The following SAMMSON variants were observed in gnomAD, a reference collection of about 807,000 sequenced individuals.
The protein encoded by SAMMSON is long intergenic non-protein coding RNA 1212.
At chr3:70,234,149 C>T (rs554123866) in intron 4 of SAMMSON, among the ~76,000 whole-genome samples, 1 of 152,242 alleles carries the variant, frequency 6.6e-6, no homozygotes, top group African/African-American at 2.4e-5. Flanking sequence ...GGGATGTGGA[C>T]AACTACTTAC....
intron 7 of SAMMSON, among the ~76,000 whole-genome samples, chr3:70,309,420 T>C (rs1702435962): frequency 2.6e-5 from 4 of 152,162 alleles, no homozygotes; most frequent in African/African-American, 9.7e-5. Flanking sequence ...TGTATTATTC[T>C]GAGTAATGCT....
intron 3 of SAMMSON, chr3:70,069,798 A>G (rs1231148471): frequency 6.6e-6 from 1 of 152,134 alleles, no homozygotes; most frequent in East Asian, 1.9e-4. Context: ...ATGTCAGAGC[A>G]GCAATTTGAA....
At chr3:70,030,385 C>G (rs955321019) in intron 3 of SAMMSON, 2 of 152,194 alleles carry the variant, frequency 1.3e-5, no homozygotes, top group Non-Finnish European at 2.9e-5. Flanking sequence ...GCAACCAGTT[C>G]TGATGGGTGA....
At chr3:70,419,840 G>A (rs111230940) in intron 2 of SAMMSON, among the ~76,000 whole-genome samples, 23,866 of 152,038 alleles carry the variant, frequency 0.16, 2,348 homozygotes, top group East Asian at 0.31. Flanking sequence ...GGGTTTCACC[G>A]TGTTAGCCAG....
At chr3:70,365,310 T>G (rs894106552) in intron 9 of SAMMSON, among the ~76,000 whole-genome samples, 8 of 151,438 alleles carry the variant, frequency 5.3e-5, no homozygotes, top group Middle Eastern at 3.2e-3. Flanking sequence ...GGAGTGTGTA[T>G]ATACACACAC....
At chr3:70,093,968 A>G (rs970472682) in intron 4 of SAMMSON, among the ~76,000 whole-genome samples, 2 of 152,102 alleles carry the variant, frequency 1.3e-5, no homozygotes, top group African/African-American at 2.4e-5. Context: ...TAAATTTTCA[A>G]TGTTTTATTT....
At chr3:70,235,456 C>T (rs1338037659) in intron 4 of SAMMSON, among the ~76,000 whole-genome samples, 1 of 152,206 alleles carries the variant, frequency 6.6e-6, no homozygotes, top group Admixed American at 6.5e-5. Flanking sequence ...TGTGATAATA[C>T]ATGCTAGGTG....
chr3:70,143,353 A>G (rs997954520), intron 4 of SAMMSON, among the ~76,000 whole-genome samples: 2 of 150,938 alleles, frequency 1.3e-5, no homozygotes, highest in Non-Finnish European at 3.0e-5. Context: ...AAGAAGAATC[A>G]GGGTATATGT....
intron 3 of SAMMSON, among the ~76,000 whole-genome samples, chr3:70,062,102 T>C (rs916896736): frequency 6.6e-6 from 1 of 152,062 alleles, no homozygotes; most frequent in Non-Finnish European, 1.5e-5. Flanking sequence ...TCTAAGCACA[T>C]TGCAACCCCA....
At chr3:70,017,452 GA>G (rs1328795290) in intron 3 of SAMMSON, among the ~76,000 whole-genome samples, 4 of 152,064 alleles carry the variant, frequency 2.6e-5, no homozygotes, top group Non-Finnish European at 4.4e-5. Flanking sequence ...AGACTTTGCT[GA>G]AGTTGCCTAT....
rs1023822491 is a variant in SAMMSON, at chr3:70,312,413, C to G, written n.739+21170C>G. The G allele has an allele frequency of 3.3e-5, 5 of 152,296 alleles. No homozygotes were observed. The South Asian group carries it at 1.0e-3, about 32-fold the overall frequency. The allele number at this position is 152,296 out of a possible 1,614,324, so 9.4% of individuals were successfully genotyped here. ...GAATTTATTGGGTGGGAATAAGAAC[C>G]TTATGACCTAAACCAGGCCAAGTTG... On this transcript the variant is annotated intron_variant and non_coding_transcript_variant, in intron 7 of 9. Coordinates refer to ENST00000642114, the Ensembl canonical transcript of SAMMSON.
At chr3:70,202,569 T>C (rs546631403) in intron 4 of SAMMSON, among the ~76,000 whole-genome samples, 3 of 152,284 alleles carry the variant, frequency 2.0e-5, no homozygotes, top group South Asian at 4.1e-4. Context: ...ATCACTGCTA[T>C]TGAAGTGCCC....
chr3:70,098,647 G>A (rs2067331853), intron 4 of SAMMSON, among the ~76,000 whole-genome samples: 2 of 152,108 alleles, frequency 1.3e-5, no homozygotes. Context: ...GATTACAGGT[G>A]TGAGCCACCA....
At chr3:70,281,774 G>C (rs774706304) in intron 6 of SAMMSON, among the ~76,000 whole-genome samples, 2 of 152,100 alleles carry the variant, frequency 1.3e-5, no homozygotes, top group Non-Finnish European at 2.9e-5. Context: ...AGCTTTCTCT[G>C]ATTCCAGCAG....
intron 4 of SAMMSON, among the ~76,000 whole-genome samples, chr3:70,073,508 G>A (rs2106638291): frequency 6.6e-6 from 1 of 152,142 alleles, no homozygotes; most frequent in East Asian, 1.9e-4. Context: ...AGTATGAAGT[G>A]TGTAGAATGA....
At chr3:70,152,076 T>C (rs2067574110) in intron 4 of SAMMSON, among the ~76,000 whole-genome samples, 1 of 152,050 alleles carries the variant, frequency 6.6e-6, no homozygotes, top group Admixed American at 6.6e-5. Context: ...TCCTTTTTCC[T>C]AATTATGCTG....
chr3:70,308,650 C>A (rs73104655), intron 7 of SAMMSON, among the ~76,000 whole-genome samples: 1 of 152,072 alleles, frequency 6.6e-6, no homozygotes, highest in South Asian at 2.1e-4. Flanking sequence ...TAATAAGGTC[C>A]TTGAGTGCAG....
chr3:70,155,556 G>A (rs1304831176), intron 4 of SAMMSON, among the ~76,000 whole-genome samples: 1 of 151,994 alleles, frequency 6.6e-6, no homozygotes, highest in East Asian at 1.9e-4. Flanking sequence ...GAATTTAACA[G>A]CATGGTGTTA....
At chr3:70,402,832 A>G (rs1167017065) in intron 2 of SAMMSON, among the ~76,000 whole-genome samples, 4 of 152,194 alleles carry the variant, frequency 2.6e-5, no homozygotes, top group Admixed American at 6.5e-5. Flanking sequence ...ACTGCACTCC[A>G]GCATGAGTGA....
Sources: allele counts gnomAD v4.1 joint callset (sites outside exome capture counted in the v4.1 genomes callset), GRCh38; gene constraint gnomAD v4.1.1; transcripts MANE v1.5; gene names NCBI Gene and HGNC (gene_info 2026-07-23, HGNC 2026-07-21).